The following NOP14 variants were observed in gnomAD, a reference collection of about 807,000 sequenced individuals.
NOP14 encodes the protein nucleolar protein 14.
Under a neutral mutation model 101.6 loss-of-function variants are expected in NOP14, and 57 were observed. The ratio of observed to expected loss-of-function variants is 0.56; its 90% CI spans 0.45 to 0.70. The LOEUF (loss-of-function observed/expected upper bound fraction) is 0.70. Ranked by LOEUF, NOP14 falls within the 30% of genes least tolerant of loss-of-function variation. The probability of loss-of-function intolerance (pLI) is 0.00; values close to 1 mark genes in which losing one functional copy is unlikely to be tolerated. For synonymous variants in NOP14, 428 were observed against 424.0 expected, an observed-to-expected ratio of 1.01 and a Z score of -0.12; for missense variants, 1,134 against 1,075.5, an observed-to-expected ratio of 1.05 and a Z score of -0.76.
At position 2,953,783 on chromosome 4, in the gene NOP14, A is replaced by C. The variant is rs190065427; in HGVS notation, c.613-138T>G. 3 of 892,958 alleles carry C rather than the reference A, an allele frequency of 3.4e-6. No homozygotes were observed. The African/African-American group carries it at 5.0e-5, about 15-fold the overall frequency. 55.3% of individuals were successfully genotyped at this position (892,958 alleles called of 1,614,324 possible). A position where few individuals can be genotyped will look rare whatever the true frequency, so the allele number is the denominator to read the frequency against. ...GTTTCAACACAGAAAAGAGGCCAGGAGAAATGAGTATTTTAAATGCAAAGC... is the reference window on the plus strand; with the variant it reads ...GTTTCAACACAGAAAAGAGGCCAGGCGAAATGAGTATTTTAAATGCAAAGC... On this transcript the variant is annotated intron_variant, in intron 4 of 17. Coordinates refer to ENST00000416614, the MANE Select transcript of NOP14 (RefSeq NM_001291978.2).
intron 2 of NOP14, among the ~76,000 whole-genome samples, chr4:2,957,037 T>C (rs572590770): frequency 2.0e-5 from 3 of 152,138 alleles, no homozygotes; most frequent in Non-Finnish European, 2.9e-5. Flanking sequence ...AGTCTCGCTC[T>C]GTTGCCCAGG....
intron 3 of NOP14, among the ~76,000 whole-genome samples, chr4:2,956,401 T>C (rs540675394): frequency 6.6e-6 from 1 of 152,278 alleles, no homozygotes; most frequent in South Asian, 2.1e-4. Context: ...ACGAGCTATT[T>C]TGAGGTTCAA....
intron 13 of NOP14, 71 bp from the exon 14 acceptor site, chr4:2,942,422 G>A (rs1019071400): frequency 4.2e-5 from 63 of 1,484,566 alleles, no homozygotes; most frequent in Non-Finnish European, 5.0e-5. Context: ...CTGCGGCACC[G>A]AGCCTGTGGA....
intron 3 of NOP14, 116 bp downstream of exon 3, chr4:2,956,554 G>A: frequency 9.6e-7 from 1 of 1,045,676 alleles, no homozygotes; most frequent in Non-Finnish European, 1.3e-6. Flanking sequence ...TTAATGATCA[G>A]TAAAACTTTC....
At chr4:2,957,520 C>G (rs912767631) in intron 2 of NOP14, 86 bp downstream of exon 2, 1 of 1,522,354 alleles carries the variant, frequency 6.6e-7, no homozygotes, top group Non-Finnish European at 9.0e-7. Context: ...CAGGAACATG[C>G]AAAACATGCA....
chr4:2,952,639 A>G (rs573187552), intron 5 of NOP14, among the ~76,000 whole-genome samples: 2 of 152,318 alleles, frequency 1.3e-5, no homozygotes, highest in African/African-American at 4.8e-5. Context: ...TTCTCAGAAT[A>G]CATCTGCTTT....
Position 2,938,937 on chromosome 4 carries a change from G to A in NOP14, c.2475-7C>T. 5 of 1,612,604 alleles carry A rather than the reference G, an allele frequency of 3.1e-6. No individual in the cohort carries two copies. Among genetic ancestry groups the A allele is most frequent in the Non-Finnish European group, 4.2e-6 (5 of 1,178,720 alleles). On this transcript the variant is annotated splice_polypyrimidine_tract_variant and splice_region_variant and intron_variant, in intron 17 of 17. Transcript: ENST00000416614. ...CCGCTTTCTTTCCGCATCCCTAAAA[G>A]AAACAAAAGGCAAATGCCCATTTTT...
At position 2,953,524 on chromosome 4, in the gene NOP14, T is replaced by G; in HGVS notation, c.734A>C (p.Lys245Thr). Residue 245 changes from lysine (K) to threonine (T), a missense_variant, in exon 5 of 18, where the codon AAG (lysine) becomes ACG (threonine). Physicochemically the swap from Lys to Thr is moderately conservative, Grantham distance 78. Coordinates refer to ENST00000416614, the MANE Select transcript of NOP14 (RefSeq NM_001291978.2). The part of the protein sequence containing the change: ...KTPKSENRDK[K>T]EKPKPDAYDM... The stretch of plus-strand genomic sequence containing the variant: ...CTTGGCTCCCACCTTGGGTTTTTCC[T>G]TTTTGTCTCTGTTCTCTGACTTGGG... 1 of 1,614,196 alleles carries G rather than the reference T, an allele frequency of 6.2e-7. No individual in the cohort carries two copies. Among genetic ancestry groups the G allele is most frequent in the South Asian group, 1.1e-5 (1 of 91,076 alleles).
At chr4:2,950,885 A>T (rs1560302910) in intron 7 of NOP14, 2 of 439,354 alleles carry the variant, frequency 4.6e-6, no homozygotes, top group African/African-American at 2.0e-5. Flanking sequence ...ACAGAGAGAG[A>T]GAGTGAGAAA....
chr4:2,963,277 CGGA>C lies in NOP14; in HGVS notation c.40_42del (p.Ser14del), dbSNP rs1304574441. 50 of 1,592,164 alleles carry C rather than the reference CGGA, an allele frequency of 3.1e-5. No individual in the cohort carries two copies. In the Admixed American group the frequency reaches 7.6e-4, roughly 24 times the overall value. On this transcript the variant is annotated inframe_deletion, in exon 1 of 18. Transcript: ENST00000416614. ...CCCCCTCGCGCTCCCGCCGGCGCCC[CGGA>C]GGCCTTCCTTCGCGCCCCGACCTTC... is the stretch of plus-strand genomic sequence containing the variant.
chr4:2,961,199 T>TA (rs1715844054), intron 1 of NOP14, among the ~76,000 whole-genome samples: 2 of 994 alleles, frequency 2.0e-3, no homozygotes, highest in Non-Finnish European at 3.6e-3. Flanking sequence ...ATGCTAATAT[T>TA]ATAATAATAT....
chr4:2,951,077 A>G (rs1553862953), intron 7 of NOP14, 37 bp downstream of exon 7: 9 of 1,545,540 alleles, frequency 5.8e-6, no homozygotes, highest in South Asian at 1.2e-5. Flanking sequence ...AAATTAAAAA[A>G]AGAGAGAGAA....
intron 5 of NOP14, 57 bp from the exon 6 acceptor site, chr4:2,952,454 AAAAAG>A: frequency 6.9e-7 from 1 of 1,454,376 alleles, no homozygotes; most frequent in Non-Finnish European, 9.2e-7. Flanking sequence ...CTTATTTTAC[AAAAAG>A]AAAAGATCTA....
At chr4:2,954,902 T>A (rs1715237488) in intron 3 of NOP14, among the ~76,000 whole-genome samples, 1 of 151,792 alleles carries the variant, frequency 6.6e-6, no homozygotes, top group Non-Finnish European at 1.5e-5. Context: ...GGTGGGAGCG[T>A]CGCCCAGGAT....
At chr4:2,952,200 A>C in intron 6 of NOP14, 75 bp downstream of exon 6, 1 of 1,521,058 alleles carries the variant, frequency 6.6e-7, no homozygotes, top group Non-Finnish European at 9.0e-7. Flanking sequence ...TCTTCAGCCC[A>C]TCCTGCAAAA....
At chr4:2,941,246 C>T (rs187871108) in intron 15 of NOP14, 283 of 270,132 alleles carry the variant, frequency 1.0e-3, no homozygotes, top group Non-Finnish European at 1.6e-3. Flanking sequence ...GAAAACCCAT[C>T]GGGACTGCAG....
At chr4:2,944,424 G>A (rs1477415946) in intron 12 of NOP14, among the ~76,000 whole-genome samples, 198 bp from the exon 13 acceptor site, 2 of 151,324 alleles carry the variant, frequency 1.3e-5, no homozygotes, top group South Asian at 2.1e-4. Context: ...TTTTTTTCCC[G>A]AGACGGAGTT....
chr4:2,961,786 C>T (rs1421025825), intron 1 of NOP14: 1 of 152,256 alleles, frequency 6.6e-6, no homozygotes, highest in Non-Finnish European at 1.5e-5. Context: ...CTAAGGCACT[C>T]AGGTTCCATC....
chr4:2,939,770 G>T, intron 15 of NOP14, 125 bp from the exon 16 acceptor site: 1 of 783,528 alleles, frequency 1.3e-6, no homozygotes, highest in Non-Finnish European at 2.2e-6. Context: ...CAGCAGGATG[G>T]TGCCCTTGCT....
Sources: gnomAD v4.1 joint callset for allele counts (sites outside exome capture counted in the v4.1 genomes callset) on GRCh38, gnomAD v4.1.1 for gene constraint, MANE v1.5 for transcripts, NCBI Gene and HGNC (gene_info 2026-07-23, HGNC 2026-07-21) for gene names.